The following CCDC171 variants were observed in gnomAD, a reference collection of about 807,000 sequenced individuals.
CCDC171 encodes coiled-coil domain containing 171, also known as coiled-coil domain-containing protein 171.
CCDC171 carries 177 observed loss-of-function variants against 168.2 expected under a neutral mutation model. That is an observed-to-expected ratio of 1.05 (90% confidence interval 0.93 to 1.19). The LOEUF (loss-of-function observed/expected upper bound fraction) is 1.19. Ranked by LOEUF, CCDC171 falls within the 50% of genes most tolerant of loss-of-function variation. The pLI is 0.00. For missense variants in CCDC171, 1,991 were observed against 1,539.0 expected, an observed-to-expected ratio of 1.29 and a Z score of -4.91; for synonymous variants, 687 against 540.8, an observed-to-expected ratio of 1.27 and a Z score of -3.75.
At chr9:15,732,427 C>G (rs1225890544) in intron 16 of CCDC171, among the ~76,000 whole-genome samples, 2 of 152,042 alleles carry the variant, frequency 1.3e-5, no homozygotes, top group African/African-American at 2.4e-5. Flanking sequence ...CAGCACTTTC[C>G]TAGCTGAATA....
chr9:15,761,332 A>G (rs1049896061), intron 18 of CCDC171, among the ~76,000 whole-genome samples: 1 of 152,218 alleles, frequency 6.6e-6, no homozygotes, highest in African/African-American at 2.4e-5. Flanking sequence ...TTGAGGTTTC[A>G]TACTAAGGAA....
intron 16 of CCDC171, among the ~76,000 whole-genome samples, chr9:15,730,729 A>G (rs2054099354): frequency 6.6e-6 from 1 of 151,980 alleles, no homozygotes; most frequent in South Asian, 2.1e-4. Context: ...ATATGAACTT[A>G]TGCCTTTCTA....
Position 15,772,343 on chromosome 9 carries a change from G to A in CCDC171, c.2672-5257G>A, listed in dbSNP as rs147716592. The stretch of plus-strand genomic sequence containing the variant: ...GTGTGTTTTACAGTAAGACAAATTC[G>A]CTTACTACTTTTTTTTTTGTCGTTT... On this transcript the variant is annotated intron_variant, in intron 18 of 25. Transcript: ENST00000380701. Among the ~76,000 whole-genome samples the A allele has an allele frequency of 8.0e-3, 1,222 of 151,922 alleles. 8 individuals carry two copies. Among genetic ancestry groups the A allele is most frequent in the Middle Eastern group, 0.014 (4 of 294 alleles).
At chr9:15,880,407 C>T (rs1175946352) in intron 24 of CCDC171, among the ~76,000 whole-genome samples, 10 of 151,172 alleles carry the variant, frequency 6.6e-5, no homozygotes. Flanking sequence ...ATACAATGTG[C>T]AATAATTAAA....
intron 18 of CCDC171, among the ~76,000 whole-genome samples, chr9:15,757,687 C>T (rs2056207029): frequency 1.3e-5 from 2 of 152,146 alleles, no homozygotes; most frequent in South Asian, 4.1e-4. Flanking sequence ...ATCACAGGCC[C>T]AGAGTCTTAG....
At chr9:16,040,342 A>G (rs1407140354), upstream of CCDC171, among the ~76,000 whole-genome samples, 3 of 152,070 alleles carry the variant, frequency 2.0e-5, no homozygotes, top group South Asian at 2.1e-4. Flanking sequence ...ACTGTCATCT[A>G]GAAGGTGGAG....
intron 18 of CCDC171, among the ~76,000 whole-genome samples, chr9:15,766,239 G>C (rs1333640022): frequency 6.6e-6 from 1 of 152,068 alleles, no homozygotes; most frequent in Non-Finnish European, 1.5e-5. Flanking sequence ...CCTGTGCCGT[G>C]AGTGTTAAAG....
chr9:16,000,905 T>C (rs1344104277), intron 3 of CCDC171, among the ~76,000 whole-genome samples: 1 of 152,114 alleles, frequency 6.6e-6, no homozygotes, highest in Non-Finnish European at 1.5e-5. Flanking sequence ...TTACAGCCTT[T>C]GATGGGGGAG....
At chr9:15,872,875 A>G (rs1817357667) in intron 23 of CCDC171, among the ~76,000 whole-genome samples, 1 of 152,072 alleles carries the variant, frequency 6.6e-6, no homozygotes, top group Admixed American at 6.6e-5. Flanking sequence ...GTATTCATAC[A>G]TGTAAAATAT....
intron 8 of CCDC171, among the ~76,000 whole-genome samples, chr9:16,036,695 A>C (rs190453895): frequency 7.7e-4 from 118 of 152,298 alleles, no homozygotes; most frequent in African/African-American, 2.6e-3. Context: ...CTAGCACCAA[A>C]AATTCTCTCA....
intron 1 of CCDC171, among the ~76,000 whole-genome samples, chr9:16,058,216 C>T (rs1333292125): frequency 6.6e-6 from 1 of 152,112 alleles, no homozygotes; most frequent in African/African-American, 2.4e-5. Context: ...CTCCTCAAAT[C>T]TCACTTTAAA....
intron 11 of CCDC171, among the ~76,000 whole-genome samples, chr9:15,719,433 AG>A (rs2053317761): frequency 7.1e-6 from 1 of 141,486 alleles, no homozygotes; most frequent in Non-Finnish European, 1.6e-5. Flanking sequence ...AGAGAGAGAG[AG>A]AGAGAGAGAG....
chr9:15,813,475 T>A (rs2059440594), intron 21 of CCDC171, among the ~76,000 whole-genome samples: 3 of 152,186 alleles, frequency 2.0e-5, no homozygotes, highest in African/African-American at 7.2e-5. Flanking sequence ...GGCTATAGCA[T>A]CTAACTAATA....
intron 1 of CCDC171, among the ~76,000 whole-genome samples, chr9:15,557,282 T>C (rs1298278705): frequency 2.0e-5 from 3 of 152,142 alleles, no homozygotes; most frequent in Non-Finnish European, 4.4e-5. Flanking sequence ...GTGAAGAAAG[T>C]CATTGGTAGC....
At chr9:15,831,182 C>G (rs551686945) in intron 21 of CCDC171, among the ~76,000 whole-genome samples, 11 of 152,012 alleles carry the variant, frequency 7.2e-5, no homozygotes, top group Admixed American at 2.0e-4. Context: ...CCATGTTAGC[C>G]AGGATGGTCT....
chr9:16,080,560 G>A, the CCDC171 span, among the ~76,000 whole-genome samples: 7 of 152,236 alleles, frequency 4.6e-5, no homozygotes, highest in Admixed American at 1.3e-4. Context: ...CTCCTTCTCT[G>A]TGACCTTCCC....
rs1245958973 is a variant in CCDC171, at chr9:15,971,848, T to C, written c.*12T>C. On this transcript the variant is annotated 3_prime_UTR_variant, in exon 26 of 26. Transcript: ENST00000380701. Reference sequence around the variant, plus strand: ...AGATTGGATTATGACTTCATGAAATTAAAAAATGGAGGAAGAGTTAACAGT... The same window carrying C: ...AGATTGGATTATGACTTCATGAAATCAAAAAATGGAGGAAGAGTTAACAGT... 2 of 1,587,490 alleles carry C rather than the reference T, an allele frequency of 1.3e-6. No homozygotes were observed. The highest frequency in any genetic ancestry group is 3.4e-5 in the Admixed American group (2 of 59,286).
chr9:15,897,075 G>A (rs1307227801), intron 24 of CCDC171, among the ~76,000 whole-genome samples: 1 of 151,944 alleles, frequency 6.6e-6, no homozygotes, highest in Admixed American at 6.6e-5. Context: ...CATATATCCA[G>A]CATGTATAGA....
chr9:15,926,995 ACTATC>A (rs1589148463), intron 25 of CCDC171, among the ~76,000 whole-genome samples: 1 of 151,694 alleles, frequency 6.6e-6, no homozygotes, highest in East Asian at 1.9e-4. Context: ...TGTACTCATT[ACTATC>A]CTATCCAGCC....
Sources: gnomAD v4.1 joint callset for allele counts (sites outside exome capture counted in the v4.1 genomes callset) on GRCh38, gnomAD v4.1.1 for gene constraint, MANE v1.5 for transcripts, NCBI Gene and HGNC (gene_info 2026-07-23, HGNC 2026-07-21) for gene names.